Variants in LRMDA observed in about 807,000 individuals in gnomAD.
The protein encoded by LRMDA is leucine-rich melanocyte differentiation-associated protein.
In LRMDA, 18 loss-of-function variants were observed where a neutral mutation model predicts 29.8. The ratio of observed to expected loss-of-function variants is 0.60; its 90% CI spans 0.42 to 0.90. The LOEUF (loss-of-function observed/expected upper bound fraction) is 0.90. Ranked by LOEUF, LRMDA falls within the 40% of genes least tolerant of loss-of-function variation. The pLI is 0.00. For missense variants in LRMDA, 273 were observed against 273.9 expected (o/e 1.00, Z 0.02); for synonymous variants, 125 against 109.4 (o/e 1.14, Z -0.89).
chr10:75,841,956 A>G (rs1844547917), intron 2 of LRMDA, among the ~76,000 whole-genome samples: 1 of 152,136 alleles, frequency 6.6e-6, no homozygotes, highest in South Asian at 2.1e-4. Flanking sequence ...TGGTAGATGG[A>G]GATGATGGGG....
chr10:75,817,488 A>T (rs1289317522), intron 2 of LRMDA, among the ~76,000 whole-genome samples: 1 of 152,212 alleles, frequency 6.6e-6, no homozygotes, highest in Non-Finnish European at 1.5e-5. Flanking sequence ...CAGTCTGTAG[A>T]AATGAAGGGG....
chr10:76,137,783 A>C lies in LRMDA; in HGVS notation c.516+79000A>C, dbSNP rs530756436. The stretch of plus-strand genomic sequence containing the variant: ...CACAGTCCCTATGGCAAAAAAAAAA[A>C]AAACAAACAAAAAACCCTAAACTTT... On this transcript the variant is annotated intron_variant, in intron 5 of 6. Transcript: ENST00000611255. Among the ~76,000 whole-genome samples the C allele has an allele frequency of 3.3e-3, 489 of 149,326 alleles. 3 individuals are homozygous for C. Among genetic ancestry groups the C allele is most frequent in the South Asian group, 9.9e-3 (47 of 4,744 alleles).
chr10:76,363,801 C>T (rs1380333615), intron 6 of LRMDA, among the ~76,000 whole-genome samples: 3 of 152,012 alleles, frequency 2.0e-5, no homozygotes, highest in Non-Finnish European at 4.4e-5. Context: ...ACCGTAACTA[C>T]GTTGTTTTGA....
chr10:76,125,261 G>C (rs1385735865), intron 5 of LRMDA, among the ~76,000 whole-genome samples: 1 of 152,172 alleles, frequency 6.6e-6, no homozygotes, highest in Non-Finnish European at 1.5e-5. Context: ...TGGAGGGCTA[G>C]GGGGAAGCTG....
intron 2 of LRMDA, among the ~76,000 whole-genome samples, chr10:75,570,360 G>A (rs1840423759): frequency 6.6e-6 from 1 of 152,122 alleles, no homozygotes; most frequent in Non-Finnish European, 1.5e-5. Context: ...CTGGACCTGG[G>A]GATACAGTGG....
At chr10:76,531,795 G>C (rs1564568543) in intron 6 of LRMDA, among the ~76,000 whole-genome samples, 1 of 151,984 alleles carries the variant, frequency 6.6e-6, no homozygotes, top group Non-Finnish European at 1.5e-5. Context: ...GTGTAATGCT[G>C]GTTTCATGGC....
intron 2 of LRMDA, among the ~76,000 whole-genome samples, chr10:75,949,189 G>C (rs1846530692): frequency 6.6e-6 from 1 of 152,164 alleles, no homozygotes; most frequent in African/African-American, 2.4e-5. Context: ...GGGTGTTTAG[G>C]AGGGGTGTCC....
intron 2 of LRMDA, among the ~76,000 whole-genome samples, chr10:75,967,586 A>T (rs1010192496): frequency 6.6e-6 from 1 of 152,250 alleles, no homozygotes; most frequent in Admixed American, 6.5e-5. Context: ...ATAAATCATC[A>T]GCAGAAAATT....
At position 75,874,810 on chromosome 10, in the gene LRMDA, A is replaced by G. The variant is rs373586682; in HGVS notation, c.132-161198A>G. 2.6e-5 allele frequency among the ~76,000 whole-genome samples: 4 copies of G among 152,230 alleles called. No homozygotes were observed. The East Asian group carries it at 7.7e-4, about 29-fold the overall frequency. On this transcript the variant is annotated intron_variant, in intron 2 of 6. Transcript: ENST00000611255. ...TAATAGTATATACTAATGACAGAGG[A>G]TAAGTCACAGAAGATGAGGTCCTCT...
intron 2 of LRMDA, among the ~76,000 whole-genome samples, chr10:75,850,188 A>T (rs1332283879): frequency 6.6e-6 from 1 of 152,258 alleles, no homozygotes; most frequent in East Asian, 1.9e-4. Flanking sequence ...AACTAGAAAG[A>T]GAGCCCAGTA....
At chr10:75,719,654 G>T (rs1842542315) in intron 2 of LRMDA, among the ~76,000 whole-genome samples, 1 of 152,204 alleles carries the variant, frequency 6.6e-6, no homozygotes. Flanking sequence ...TGGATGTTGA[G>T]GGAGAAGGTA....
Position 76,497,792 on chromosome 10 carries a change from G to A in LRMDA, c.602-59417G>A, listed in dbSNP as rs1842887373. Among the ~76,000 whole-genome samples, 2 of 75,608 alleles carry A rather than the reference G, an allele frequency of 2.6e-5. 1 individual carries two copies. Among genetic ancestry groups the A allele is most frequent in the South Asian group, 7.1e-4 (2 of 2,824 alleles). 49.6% of individuals were successfully genotyped at this position (75,608 alleles called of 152,430 possible). A position where few individuals can be genotyped will look rare whatever the true frequency, so the allele number is the denominator to read the frequency against. ...ACCATTGACAAATCTGACAGCTGGAGCAGCAGTCACCTCATCATATCTCTC... is the reference window on the plus strand; with the variant it reads ...ACCATTGACAAATCTGACAGCTGGAACAGCAGTCACCTCATCATATCTCTC... On this transcript the variant is annotated intron_variant, in intron 6 of 6. Coordinates refer to ENST00000611255, the MANE Select transcript of LRMDA (RefSeq NM_001305581.2).
At chr10:76,273,000 G>A (rs1840087151) in intron 5 of LRMDA, among the ~76,000 whole-genome samples, 1 of 152,148 alleles carries the variant, frequency 6.6e-6, no homozygotes, top group Non-Finnish European at 1.5e-5. Context: ...TGCGATTTGG[G>A]TGGGGACACA....
chr10:75,967,178 C>T (rs186953863), intron 2 of LRMDA, among the ~76,000 whole-genome samples: 3 of 152,300 alleles, frequency 2.0e-5, no homozygotes, highest in Admixed American at 2.0e-4. Flanking sequence ...CTTTGTGGCA[C>T]TTCTAGATTT....
chr10:76,172,205 T>A (rs575638196), intron 5 of LRMDA, among the ~76,000 whole-genome samples: 57 of 152,204 alleles, frequency 3.7e-4, no homozygotes, highest in African/African-American at 1.3e-3. Context: ...TGCTACTAGG[T>A]CCCATCTCTC....
intron 5 of LRMDA, among the ~76,000 whole-genome samples, chr10:76,308,995 C>T (rs1840595688): frequency 8.7e-5 from 13 of 150,216 alleles, no homozygotes; most frequent in Admixed American, 8.6e-4. Flanking sequence ...CTAATCCTCA[C>T]TGCCTTAAGA....
intron 5 of LRMDA, among the ~76,000 whole-genome samples, chr10:76,070,075 C>T (rs1029752942): frequency 6.6e-6 from 1 of 152,116 alleles, no homozygotes; most frequent in Non-Finnish European, 1.5e-5. Flanking sequence ...TAATGCCTTC[C>T]AAGTCTGTTG....
intron 2 of LRMDA, among the ~76,000 whole-genome samples, chr10:75,486,408 C>A (rs911125311): frequency 1.3e-5 from 2 of 152,056 alleles, no homozygotes; most frequent in Admixed American, 6.6e-5. Flanking sequence ...CTTACAGAGG[C>A]ATTGTTATTC....
At chr10:75,878,384 G>A (rs1180450730) in intron 2 of LRMDA, among the ~76,000 whole-genome samples, 1 of 151,966 alleles carries the variant, frequency 6.6e-6, no homozygotes, top group Non-Finnish European at 1.5e-5. Flanking sequence ...AGGGGGGCAT[G>A]GAGTGGGAAG....
Sources: allele counts gnomAD v4.1 joint callset (sites outside exome capture counted in the v4.1 genomes callset), GRCh38; gene constraint gnomAD v4.1.1; transcripts MANE v1.5; gene names NCBI Gene and HGNC (gene_info 2026-07-23, HGNC 2026-07-21).